LRGUK: variants seen among roughly 807,000 people sequenced by gnomAD.
LRGUK encodes the protein leucine-rich repeat and guanylate kinase domain-containing protein.
LRGUK carries 65 observed loss-of-function variants against 76.0 expected under a neutral mutation model. That is an observed-to-expected ratio of 0.85 (90% confidence interval 0.70 to 1.05). The LOEUF is 1.05. Ranked by LOEUF, LRGUK falls within the 50% of genes least tolerant of loss-of-function variation. LRGUK has a pLI of 0.00. For missense variants in LRGUK, 758 were observed against 732.8 expected (o/e 1.03, Z -0.40); for synonymous variants, 268 against 265.6 (o/e 1.01, Z -0.09).
intron 15 of LRGUK, chr7:134,208,663 A>G: frequency 2.5e-6 from 1 of 398,544 alleles, no homozygotes; most frequent in East Asian, 3.6e-5. Context: ...CTAAGCAGTT[A>G]GTTAACTTCT....
chr7:134,173,177 G>A (rs1027665935), intron 7 of LRGUK, among the ~76,000 whole-genome samples: 121 of 152,326 alleles, frequency 7.9e-4, no homozygotes, highest in African/African-American at 2.9e-3. Flanking sequence ...GGAAAAAGAT[G>A]TGTATAATAG....
At chr7:134,202,318 TAA>T (rs11354724) in intron 15 of LRGUK, among the ~76,000 whole-genome samples, 18 of 148,838 alleles carry the variant, frequency 1.2e-4, no homozygotes, top group Middle Eastern at 3.5e-3. Flanking sequence ...AAAACAAAAT[TAA>T]AAAAAAAAAC....
At chr7:134,219,243 G>A (rs1192794469) in intron 15 of LRGUK, among the ~76,000 whole-genome samples, 2 of 152,158 alleles carry the variant, frequency 1.3e-5, no homozygotes, top group African/African-American at 2.4e-5. Flanking sequence ...CTCTATGAAA[G>A]TCTTTATTGT....
intron 16 of LRGUK, among the ~76,000 whole-genome samples, chr7:134,229,375 AATCTATCTATCT>A (rs3030442): frequency 1.9e-3 from 279 of 147,556 alleles, no homozygotes; most frequent in African/African-American, 6.2e-3. Context: ...AAAAAAAAAA[AATCTATCTATCT>A]ATCTATCTAT....
chr7:134,214,910 C>T (rs1006329561), downstream of LRGUK, among the ~76,000 whole-genome samples: 2 of 152,018 alleles, frequency 1.3e-5, no homozygotes, highest in South Asian at 2.1e-4. Flanking sequence ...TGCAGAGGAA[C>T]AGACTGGCTT....
At chr7:134,193,617 G>T (rs191648195) in intron 12 of LRGUK, among the ~76,000 whole-genome samples, 9 of 152,198 alleles carry the variant, frequency 5.9e-5, no homozygotes, top group Admixed American at 5.9e-4. Context: ...TACATTTCAG[G>T]ATAATGTAAT....
At chr7:134,241,417 A>G (rs1157631867) in intron 16 of LRGUK, among the ~76,000 whole-genome samples, 1 of 152,226 alleles carries the variant, frequency 6.6e-6, no homozygotes, top group Non-Finnish European at 1.5e-5. Context: ...AGTCTCTGAT[A>G]AAACAGACTT....
chr7:134,202,016 C>T (rs1800793657), intron 15 of LRGUK, among the ~76,000 whole-genome samples: 1 of 152,158 alleles, frequency 6.6e-6, no homozygotes, highest in Non-Finnish European at 1.5e-5. Context: ...GGCAAGAGCC[C>T]TAGTCATAGG....
At chr7:134,149,794 C>G (rs932032563) in intron 5 of LRGUK, among the ~76,000 whole-genome samples, 1 of 152,210 alleles carries the variant, frequency 6.6e-6, no homozygotes, top group Non-Finnish European at 1.5e-5. Context: ...CAGAAGCTAT[C>G]TGGCTCAGAC....
intron 8 of LRGUK, among the ~76,000 whole-genome samples, chr7:134,176,637 C>T (rs1192413681): frequency 2.0e-5 from 3 of 151,952 alleles, no homozygotes; most frequent in African/African-American, 7.3e-5. Context: ...GCCTTGGCCT[C>T]GCAAAGTGCT....
intron 15 of LRGUK, among the ~76,000 whole-genome samples, chr7:134,217,797 T>C (rs1369759505): frequency 6.6e-6 from 1 of 152,208 alleles, no homozygotes; most frequent in Non-Finnish European, 1.5e-5. Context: ...TTTTAAGCTC[T>C]TTTTTATGAC....
chr7:134,243,309 C>T (rs372808268), intron 16 of LRGUK, among the ~76,000 whole-genome samples: 8 of 152,162 alleles, frequency 5.3e-5, no homozygotes, highest in Non-Finnish European at 7.4e-5. Flanking sequence ...AAAACCCCAT[C>T]GTCTCAGCCC....
chr7:134,204,593 CACTTTA>C (rs1800925038), intron 15 of LRGUK, among the ~76,000 whole-genome samples: 1 of 152,152 alleles, frequency 6.6e-6, no homozygotes, highest in African/African-American at 2.4e-5. Flanking sequence ...TGAAGCCAAC[CACTTTA>C]TCTTATCTAG....
In LRGUK at chr7:134,161,848, G is replaced by T. The variant is rs535737094; in HGVS notation, c.796-1549G>T. ...TGGGACTACAGGCACCCGCCACCAC[G>T]CCTGGCTAATTTTTTGTATTTTTTT... On this transcript the variant is annotated intron_variant, in intron 6 of 15. Coordinates refer to ENST00000645682, the Ensembl canonical transcript of LRGUK. Among the ~76,000 whole-genome samples the T allele has an allele frequency of 4.7e-5, 7 of 150,282 alleles. No homozygotes were observed. In the South Asian group the frequency reaches 1.5e-3, roughly 32 times the overall value.
chr7:134,158,741 C>A (rs1798589004), intron 6 of LRGUK, among the ~76,000 whole-genome samples: 1 of 152,056 alleles, frequency 6.6e-6, no homozygotes, highest in African/African-American at 2.4e-5. Context: ...AGCTGTGTGA[C>A]CTGCTGTGTG....
intron 2 of LRGUK, among the ~76,000 whole-genome samples, chr7:134,138,840 T>C (rs185898825): frequency 6.6e-6 from 1 of 152,338 alleles, no homozygotes; most frequent in African/African-American, 2.4e-5. Flanking sequence ...ACTGCTTCTC[T>C]ATAACTAACT....
At chr7:134,267,585 A>T (rs1452929357), downstream of LRGUK, among the ~76,000 whole-genome samples, 2 of 152,114 alleles carry the variant, frequency 1.3e-5, no homozygotes, top group African/African-American at 4.8e-5. Flanking sequence ...ACAAGAACTG[A>T]TGGTTTTATA....
chr7:134,261,384 C>G (rs552005112), intron 19 of LRGUK, among the ~76,000 whole-genome samples: 17 of 152,036 alleles, frequency 1.1e-4, no homozygotes, highest in Non-Finnish European at 2.2e-4. Flanking sequence ...CAAATTAGAT[C>G]ATTTCGTATC....
chr7:134,272,572 T>C, the LRGUK span, among the ~76,000 whole-genome samples: 1 of 152,192 alleles, frequency 6.6e-6, no homozygotes, highest in Non-Finnish European at 1.5e-5. Flanking sequence ...ACAAAAATCA[T>C]TAAATGATAC....
Sources: allele counts gnomAD v4.1 joint callset (sites outside exome capture counted in the v4.1 genomes callset), GRCh38; gene constraint gnomAD v4.1.1; transcripts MANE v1.5; gene names NCBI Gene and HGNC (gene_info 2026-07-23, HGNC 2026-07-21).